COX15: variants seen among roughly 807,000 people sequenced by gnomAD.
The protein encoded by COX15 is heme A synthase COX15.
In COX15, 51 loss-of-function variants were observed where a neutral mutation model predicts 51.9. The ratio of observed to expected loss-of-function variants is 0.98; its 90% CI spans 0.78 to 1.24. COX15 has a LOEUF of 1.24. COX15 is among the 50% of genes most tolerant of loss of function. The pLI is 0.00. For synonymous variants in COX15, 188 were observed against 190.5 expected (o/e 0.99, Z 0.11); for missense variants, 420 against 501.1 (o/e 0.84, Z 1.55).
chr10:99,701,094 TAAAA>T, the COX15 span: 5 of 1,511,178 alleles, frequency 3.3e-6, no homozygotes, highest in Non-Finnish European at 4.6e-6. Flanking sequence ...GATGTGGACT[TAAAA>T]TCTAGATGGC....
In COX15 at chr10:99,712,794, C is replaced by T. The variant is rs574149332; in HGVS notation, c.*1793G>A. The T allele has an allele frequency of 1.9e-5, 6 of 322,152 alleles. No homozygotes were observed. Among genetic ancestry groups the T allele is most frequent in the Middle Eastern group, 3.0e-3 (2 of 676 alleles). 20.0% of individuals were successfully genotyped at this position (322,152 alleles called of 1,614,324 possible). A position where few individuals can be genotyped will look rare whatever the true frequency, so the allele number is the denominator to read the frequency against. On this transcript the variant is annotated 3_prime_UTR_variant, in exon 9 of 9. Transcript: ENST00000016171. Reference sequence around the variant, plus strand: ...TGAGCATTTGATTTGGTCTACCCTACTCTTGCCTTCTACAGAACTAAAACT... The same window carrying T: ...TGAGCATTTGATTTGGTCTACCCTATTCTTGCCTTCTACAGAACTAAAACT...
chr10:99,731,241 T>A (rs891871354), intron 1 of COX15, among the ~76,000 whole-genome samples: 1 of 152,182 alleles, frequency 6.6e-6, no homozygotes, highest in African/African-American at 2.4e-5. Context: ...CACTAAACTA[T>A]GAGCTTTGGG....
At chr10:99,730,959 G>C (rs939809624) in intron 1 of COX15, among the ~76,000 whole-genome samples, 1 of 152,120 alleles carries the variant, frequency 6.6e-6, no homozygotes, top group Non-Finnish European at 1.5e-5. Context: ...AAGTGACTGA[G>C]GTAAGAGGAT....
intron 5 of COX15, 147 bp downstream of exon 5, chr10:99,723,809 T>C: frequency 3.5e-6 from 3 of 846,584 alleles, no homozygotes; most frequent in Non-Finnish European, 5.8e-6. Flanking sequence ...CCTCCCACTC[T>C]ATTTTTCAAT....
intron 8 of COX15, among the ~76,000 whole-genome samples, chr10:99,715,359 G>A (rs1360828824): frequency 6.6e-6 from 1 of 152,000 alleles, no homozygotes; most frequent in Non-Finnish European, 1.5e-5. Context: ...GGCTGGTCTT[G>A]AACTCCTGAC....
chr10:99,716,327 A>T, intron 8 of COX15, 21 bp downstream of exon 8: 1 of 1,536,756 alleles, frequency 6.5e-7, no homozygotes, highest in Non-Finnish European at 9.0e-7. Context: ...TACTGTCAGA[A>T]CAAAAAGAAG....
In COX15 at chr10:99,713,883, C is replaced by G; in HGVS notation, c.*704G>C. On this transcript the variant is annotated 3_prime_UTR_variant, in exon 9 of 9. Coordinates refer to ENST00000016171, the MANE Select transcript of COX15 (RefSeq NM_078470.6). ...ACTCGGGAGGCTGAGGCATGAGAAT[C>G]GCTTGAACCTGGGAAGTGGAGGTTG... 1.9e-6 allele frequency: 1 copy of G among 533,548 alleles called. No individual in the cohort carries two copies. The highest frequency in any genetic ancestry group is 4.6e-5 in the South Asian group (1 of 21,810). The allele number at this position is 533,548 out of a possible 1,614,324, so 33.1% of individuals were successfully genotyped here. A position where few individuals can be genotyped will look rare whatever the true frequency, so the allele number is the denominator to read the frequency against.
chr10:99,700,575 G>A, the COX15 span, among the ~76,000 whole-genome samples: 32 of 152,276 alleles, frequency 2.1e-4, no homozygotes, highest in Admixed American at 4.6e-4. Flanking sequence ...AAACCAAAAG[G>A]AATGATTATT....
chr10:99,721,148 C>A, intron 5 of COX15, 80 bp from the exon 6 acceptor site: 3 of 1,119,152 alleles, frequency 2.7e-6, no homozygotes, highest in East Asian at 2.5e-5. Flanking sequence ...AGGCCAAACC[C>A]AAGTGACAAA....
At chr10:99,709,807 T>G (rs2036328291), downstream of COX15, 1 of 985,214 alleles carries the variant, frequency 1.0e-6, no homozygotes, top group Non-Finnish European at 1.2e-6. Context: ...GCTCTAATAT[T>G]TCATTATTTT....
At chr10:99,702,443 G>A in the COX15 span, 5 of 1,354,892 alleles carry the variant, frequency 3.7e-6, no homozygotes, top group Non-Finnish European at 4.9e-6. Flanking sequence ...ATACGGAGTG[G>A]CTTATTGCAA....
chr10:99,721,100 T>C (rs1305312694), intron 5 of COX15, 32 bp from the exon 6 acceptor site: 1 of 1,566,074 alleles, frequency 6.4e-7, no homozygotes, highest in Non-Finnish European at 8.7e-7. Flanking sequence ...TCAGTTAAAC[T>C]GTGTTGCAGG....
the COX15 span, among the ~76,000 whole-genome samples, chr10:99,704,151 A>C: frequency 6.6e-6 from 1 of 152,304 alleles, no homozygotes; most frequent in East Asian, 1.9e-4. Context: ...GTTACAGGTG[A>C]TCAATCTAGC....
At position 99,713,111 on chromosome 10, in the gene COX15, T is replaced by A; in HGVS notation, c.*1476A>T. ...CAGTATGTTAGGGGTATTTTGACTA[T>A]GGCTGTGACACTTCTACTGATAAAA... is the stretch of plus-strand genomic sequence containing the variant. On this transcript the variant is annotated 3_prime_UTR_variant, in exon 9 of 9. Coordinates refer to ENST00000016171, the MANE Select transcript of COX15 (RefSeq NM_078470.6). 1 of 1,258,266 alleles carries A rather than the reference T, an allele frequency of 7.9e-7. No individual in the cohort carries two copies. The highest frequency in any genetic ancestry group is 1.0e-6 in the Non-Finnish European group (1 of 991,136). 77.9% of individuals were successfully genotyped at this position (1,258,266 alleles called of 1,614,324 possible).
chr10:99,704,726 T>C, the COX15 span: 10,838 of 1,547,494 alleles, frequency 7.0e-3, 50 homozygotes, highest in Middle Eastern at 1.0e-2. Flanking sequence ...CCCGAGTTGC[T>C]GCTCATTGAA....
chr10:99,716,639 C>A, intron 7 of COX15, 178 bp from the exon 8 acceptor site: 1 of 576,606 alleles, frequency 1.7e-6, no homozygotes, highest in Non-Finnish European at 3.2e-6. Flanking sequence ...TTCCACCATC[C>A]TCTTCTGCTT....
the COX15 span, among the ~76,000 whole-genome samples, chr10:99,700,306 C>G: frequency 6.6e-6 from 1 of 152,082 alleles, no homozygotes; most frequent in Non-Finnish European, 1.5e-5. Context: ...TCTGGGACCA[C>G]TCTATCCAAA....
chr10:99,698,949 CAT>C, the COX15 span: 1 of 1,186,420 alleles, frequency 8.4e-7, no homozygotes, highest in Non-Finnish European at 1.2e-6. Flanking sequence ...AAGGGCTTTG[CAT>C]ACAGAATCTC....
downstream of COX15, chr10:99,710,826 T>C: frequency 1.0e-6 from 1 of 985,440 alleles, no homozygotes; most frequent in Non-Finnish European, 1.2e-6. Context: ...TAGATAGTAT[T>C]TGTCAGTCTA....
Sources: allele counts gnomAD v4.1 joint callset (sites outside exome capture counted in the v4.1 genomes callset), GRCh38; gene constraint gnomAD v4.1.1; transcripts MANE v1.5; gene names NCBI Gene and HGNC (gene_info 2026-07-23, HGNC 2026-07-21).